The following ARL15 variants were observed in gnomAD, a reference collection of about 807,000 sequenced individuals.
The protein encoded by ARL15 is ARF like GTPase 15.
A neutral mutation model predicts 25.2 loss-of-function variants in ARL15; 19 were observed. That is an observed-to-expected ratio of 0.75 (90% confidence interval 0.53 to 1.10). ARL15 has a LOEUF of 1.10. ARL15 is among the 50% of genes least tolerant of loss of function. ARL15 has a pLI of 0.00. For synonymous variants in ARL15, 94 were observed against 86.8 expected (o/e 1.08, Z -0.46); for missense variants, 220 against 246.0 (o/e 0.89, Z 0.71).
At chr5:54,042,075 A>C (rs1750361827) in intron 4 of ARL15, among the ~76,000 whole-genome samples, 1 of 150,842 alleles carries the variant, frequency 6.6e-6, no homozygotes, top group Non-Finnish European at 1.5e-5. Context: ...GGTTCAAGCG[A>C]TTCTTCTGTC....
At chr5:54,177,664 C>A (rs1309252835) in intron 1 of ARL15, among the ~76,000 whole-genome samples, 1 of 152,196 alleles carries the variant, frequency 6.6e-6, no homozygotes, top group African/African-American at 2.4e-5. Context: ...TTGCAAAGCA[C>A]TAATCAAGCA....
chr5:54,138,163 G>A (rs1753661682), intron 3 of ARL15, among the ~76,000 whole-genome samples: 1 of 152,064 alleles, frequency 6.6e-6, no homozygotes, highest in Non-Finnish European at 1.5e-5. Flanking sequence ...TCTTCCAGAA[G>A]AGTACCACCA....
At chr5:54,303,350 C>T (rs767835253) in intron 1 of ARL15, among the ~76,000 whole-genome samples, 42 of 152,082 alleles carry the variant, frequency 2.8e-4, no homozygotes, top group Non-Finnish European at 5.1e-4. Flanking sequence ...GGTGAAACCC[C>T]GTCTCTACCA....
intron 1 of ARL15, among the ~76,000 whole-genome samples, chr5:54,251,401 G>C (rs973885621): frequency 1.3e-5 from 2 of 152,104 alleles, no homozygotes; most frequent in South Asian, 2.1e-4. Flanking sequence ...GGAAAGCCAG[G>C]CTTTTTAAAA....
chr5:53,969,077 C>A (rs558799764), intron 4 of ARL15, among the ~76,000 whole-genome samples: 11 of 152,016 alleles, frequency 7.2e-5, no homozygotes, highest in African/African-American at 2.6e-4. Context: ...TTGAGAATTG[C>A]TAGGTGGAGG....
At chr5:54,284,159 A>G (rs1758130081) in intron 1 of ARL15, among the ~76,000 whole-genome samples, 1 of 152,180 alleles carries the variant, frequency 6.6e-6, no homozygotes, top group Non-Finnish European at 1.5e-5. Context: ...GCTGGAGTAC[A>G]GTGGTGCAAT....
At chr5:53,952,131 T>G (rs1746992929) in intron 4 of ARL15, among the ~76,000 whole-genome samples, 1 of 151,754 alleles carries the variant, frequency 6.6e-6, no homozygotes, top group African/African-American at 2.4e-5. Context: ...GGCATGGTGG[T>G]GGGTGCCTGT....
intron 1 of ARL15, among the ~76,000 whole-genome samples, chr5:54,249,268 C>G (rs1473193123): frequency 6.6e-6 from 1 of 152,096 alleles, no homozygotes; most frequent in Non-Finnish European, 1.5e-5. Flanking sequence ...ACTAATGACC[C>G]AGTTGCAGTT....
intron 4 of ARL15, among the ~76,000 whole-genome samples, chr5:53,960,970 G>A (rs1747344855): frequency 1.3e-5 from 2 of 152,132 alleles, no homozygotes; most frequent in Admixed American, 6.5e-5. Flanking sequence ...AGGGTTTCTT[G>A]TATCTTGTCC....
chr5:54,165,014 C>T (rs935978463), intron 2 of ARL15, among the ~76,000 whole-genome samples: 3 of 151,508 alleles, frequency 2.0e-5, no homozygotes, highest in Middle Eastern at 3.4e-3. Flanking sequence ...TTTATGGGCT[C>T]TCATCCTTTG....
intron 4 of ARL15, among the ~76,000 whole-genome samples, chr5:53,891,869 G>A (rs983195921): frequency 6.6e-6 from 1 of 152,148 alleles, no homozygotes; most frequent in African/African-American, 2.4e-5. Flanking sequence ...AAGGCAGCTC[G>A]GGTGCCAGCA....
intron 3 of ARL15, among the ~76,000 whole-genome samples, chr5:54,123,091 C>A (rs550233784): frequency 6.6e-6 from 1 of 151,786 alleles, no homozygotes; most frequent in South Asian, 2.1e-4. Context: ...CTTACTCACA[C>A]CCTCTCTTCT....
At chr5:53,976,740 C>G (rs964031910) in intron 4 of ARL15, among the ~76,000 whole-genome samples, 1 of 152,266 alleles carries the variant, frequency 6.6e-6, no homozygotes, top group South Asian at 2.1e-4. Context: ...TCAGAAATGT[C>G]CGTTTCTAGA....
At chr5:53,968,082 G>A (rs555781832) in intron 4 of ARL15, among the ~76,000 whole-genome samples, 51 of 152,162 alleles carry the variant, frequency 3.4e-4, no homozygotes, top group Non-Finnish European at 6.5e-4. Flanking sequence ...AATGAGAGAT[G>A]TGAGTGGCAA....
intron 1 of ARL15, among the ~76,000 whole-genome samples, chr5:54,186,648 T>C (rs640818): frequency 0.64 from 97,537 of 152,050 alleles, 31,782 homozygotes; most frequent in East Asian, 0.98. Context: ...AAATGTAGCA[T>C]GTGGACTTAA....
intron 3 of ARL15, among the ~76,000 whole-genome samples, chr5:54,121,885 T>C (rs942092511): frequency 6.6e-6 from 1 of 152,210 alleles, no homozygotes; most frequent in Non-Finnish European, 1.5e-5. Context: ...ACACAGTACG[T>C]AGAATATGCT....
chr5:53,921,042 GC>G (rs1745843954), intron 4 of ARL15, among the ~76,000 whole-genome samples: 1 of 152,162 alleles, frequency 6.6e-6, no homozygotes, highest in African/African-American at 2.4e-5. Flanking sequence ...GGAGCAGAGT[GC>G]CCCCACTGAC....
chr5:54,235,430 T>A (rs1026147248), intron 1 of ARL15, among the ~76,000 whole-genome samples: 2 of 151,802 alleles, frequency 1.3e-5, no homozygotes, highest in East Asian at 1.9e-4. Flanking sequence ...ATTTATGTTT[T>A]AAAAAATGTA....
intron 4 of ARL15, among the ~76,000 whole-genome samples, chr5:53,921,061 C>T (rs937322527): frequency 3.5e-4 from 54 of 152,164 alleles, no homozygotes; most frequent in African/African-American, 1.3e-3. Flanking sequence ...GACCATATTG[C>T]ACTGTGAGGT....
Sources: allele counts gnomAD v4.1 joint callset (sites outside exome capture counted in the v4.1 genomes callset), GRCh38; gene constraint gnomAD v4.1.1; transcripts MANE v1.5; gene names NCBI Gene and HGNC (gene_info 2026-07-23, HGNC 2026-07-21).